The following ATG5 variants were observed in gnomAD, a reference collection of about 807,000 sequenced individuals.
ATG5 encodes autophagy protein 5.
ATG5 carries 14 observed loss-of-function variants against 36.5 expected under a neutral mutation model. The ratio of observed to expected loss-of-function variants is 0.38; its 90% CI spans 0.25 to 0.60. ATG5 has a LOEUF of 0.60. Ranked by LOEUF, ATG5 falls within the 20% of genes least tolerant of loss-of-function variation. The pLI is 0.60. For missense variants in ATG5, 195 were observed against 326.7 expected (o/e 0.60, Z 3.11); for synonymous variants, 95 against 101.5 (o/e 0.94, Z 0.38).
At position 106,283,226 on chromosome 6, in the gene ATG5, A is replaced by G. The variant is rs1158228626; in HGVS notation, c.316-3403T>C. Among the ~76,000 whole-genome samples the G allele has an allele frequency of 2.6e-5, 4 of 152,170 alleles. No individual in the cohort carries two copies. In the East Asian group the frequency reaches 5.8e-4, roughly 22 times the overall value. On this transcript the variant is annotated intron_variant, in intron 4 of 7. Transcript: ENST00000369076. ...TACTCTGTTGAAGGCTCTTGCATCC[A>G]TGATCATGAAATATACTGGCTTATA...
intron 3 of ATG5, among the ~76,000 whole-genome samples, chr6:106,296,680 T>G (rs1489175478): frequency 6.6e-6 from 1 of 152,114 alleles, no homozygotes; most frequent in Non-Finnish European, 1.5e-5. Context: ...TAGCTGGGCG[T>G]GGTCGCATGT....
At chr6:106,265,056 A>T (rs1292813809) in intron 5 of ATG5, among the ~76,000 whole-genome samples, 1 of 152,134 alleles carries the variant, frequency 6.6e-6, no homozygotes, top group Non-Finnish European at 1.5e-5. Context: ...CAAACTGGAT[A>T]AAGCGTCAAG....
intron 6 of ATG5, among the ~76,000 whole-genome samples, chr6:106,237,507 C>T (rs955864594): frequency 2.0e-5 from 3 of 152,120 alleles, no homozygotes; most frequent in Admixed American, 2.0e-4. Flanking sequence ...TGGTCATTGA[C>T]CTCCAACTTA....
intron 3 of ATG5, among the ~76,000 whole-genome samples, chr6:106,301,691 A>C (rs1770212511): frequency 2.0e-5 from 3 of 152,078 alleles, no homozygotes; most frequent in African/African-American, 7.2e-5. Context: ...TGCTTATTGA[A>C]GCATTTCGCA....
chr6:106,189,911 C>T (rs1374451663), intron 7 of ATG5, among the ~76,000 whole-genome samples: 2 of 152,056 alleles, frequency 1.3e-5, no homozygotes, highest in Non-Finnish European at 2.9e-5. Context: ...ATCAAGTGAA[C>T]TAGTTCTATA....
chr6:106,241,065 A>C (rs184350122), intron 6 of ATG5, among the ~76,000 whole-genome samples: 1 of 152,324 alleles, frequency 6.6e-6, no homozygotes, highest in East Asian at 1.9e-4. Flanking sequence ...AGGCAGGAGA[A>C]TCACTTGAGC....
intron 3 of ATG5, among the ~76,000 whole-genome samples, chr6:106,293,769 C>A (rs1562260380): frequency 6.6e-6 from 1 of 152,072 alleles, no homozygotes; most frequent in South Asian, 2.1e-4. Flanking sequence ...ATAACCATTA[C>A]CCACAGTGAA....
rs1471586990 is a variant in ATG5 at position 106,316,198 on chromosome 6, T to A, written c.11A>T (p.Asp4Val). Residue 4 changes from aspartate to valine, a missense_variant, in exon 2 of 8, where the codon GAC (aspartate) becomes GTC (valine). Coordinates refer to ENST00000369076, the MANE Select transcript of ATG5 (RefSeq NM_004849.4). The stretch of plus-strand genomic sequence containing the variant: ...CCACACATCTCGAAGCACATCTTTG[T>A]CATCTGTCATTCTTCCAGGAGTTAA... Reference protein sequence around the residue: MTDDKDVLRDVWFG... With the variant: MTDVKDVLRDVWFG... The A allele has an allele frequency of 6.2e-7, 1 of 1,613,442 alleles. No individual in the cohort carries two copies. Among genetic ancestry groups the A allele is most frequent in the Non-Finnish European group, 8.5e-7 (1 of 1,179,626 alleles).
chr6:106,202,743 C>T (rs1249128839), intron 6 of ATG5, among the ~76,000 whole-genome samples: 4 of 152,164 alleles, frequency 2.6e-5, no homozygotes, highest in Non-Finnish European at 5.9e-5. Flanking sequence ...CTCACTGCAA[C>T]CTCTACTTTC....
At chr6:106,218,616 C>A (rs371107537) in intron 6 of ATG5, among the ~76,000 whole-genome samples, 1 of 150,250 alleles carries the variant, frequency 6.7e-6, no homozygotes, top group South Asian at 2.1e-4. Context: ...ATGTGTAGAT[C>A]CTTTGAAAGC....
At chr6:106,294,830 G>A (rs1376057144) in intron 3 of ATG5, among the ~76,000 whole-genome samples, 6 of 129,818 alleles carry the variant, frequency 4.6e-5, no homozygotes, top group Non-Finnish European at 8.2e-5. Flanking sequence ...ACGACAGAGT[G>A]AGACCTTTTC....
At chr6:106,256,932 T>G (rs1778824052) in intron 5 of ATG5, among the ~76,000 whole-genome samples, 1 of 152,232 alleles carries the variant, frequency 6.6e-6, no homozygotes, top group African/African-American at 2.4e-5. Flanking sequence ...TATAAACATT[T>G]TCAACTTTTG....
At chr6:106,257,967 A>G (rs1013338341) in intron 5 of ATG5, among the ~76,000 whole-genome samples, 10 of 152,206 alleles carry the variant, frequency 6.6e-5, no homozygotes, top group African/African-American at 2.4e-4. Flanking sequence ...AGCTGTAGAG[A>G]ATTAAAAAGC....
intron 5 of ATG5, among the ~76,000 whole-genome samples, chr6:106,268,635 A>G (rs1465841002): frequency 1.3e-5 from 2 of 152,226 alleles, no homozygotes; most frequent in Admixed American, 1.3e-4. Flanking sequence ...CCAAATGCCC[A>G]TCAATGTTAG....
chr6:106,257,535 G>C (rs181482536), intron 5 of ATG5, among the ~76,000 whole-genome samples: 2 of 152,288 alleles, frequency 1.3e-5, no homozygotes, highest in Admixed American at 1.3e-4. Context: ...ACTGTTGACT[G>C]AAACATCATA....
At chr6:106,191,130 A>T (rs1262843650) in intron 7 of ATG5, among the ~76,000 whole-genome samples, 1 of 152,224 alleles carries the variant, frequency 6.6e-6, no homozygotes, top group Non-Finnish European at 1.5e-5. Context: ...AAATTAAAAG[A>T]ATATATACAT....
At chr6:106,249,333 A>T (rs527787732) in intron 5 of ATG5, among the ~76,000 whole-genome samples, 1 of 152,318 alleles carries the variant, frequency 6.6e-6, no homozygotes, top group Admixed American at 6.5e-5. Context: ...CATTTCATAT[A>T]AATGAAGTAA....
At chr6:106,198,444 G>A (rs1341548567) in intron 7 of ATG5, among the ~76,000 whole-genome samples, 1 of 152,032 alleles carries the variant, frequency 6.6e-6, no homozygotes, top group Non-Finnish European at 1.5e-5. Flanking sequence ...TTGATAGACA[G>A]GAATTCACCA....
chr6:106,300,911 C>T (rs2114648563), intron 3 of ATG5, among the ~76,000 whole-genome samples: 1 of 152,038 alleles, frequency 6.6e-6, no homozygotes, highest in Non-Finnish European at 1.5e-5. Context: ...AAAAATTTCC[C>T]ATTAAAGTTA....
Sources: allele counts gnomAD v4.1 joint callset (sites outside exome capture counted in the v4.1 genomes callset), GRCh38; gene constraint gnomAD v4.1.1; transcripts MANE v1.5; gene names NCBI Gene and HGNC (gene_info 2026-07-23, HGNC 2026-07-21).